The following MGMT variants were observed in gnomAD, a reference collection of about 807,000 sequenced individuals.
MGMT encodes the protein methylated-DNA--protein-cysteine methyltransferase.
Under a neutral mutation model 15.9 loss-of-function variants are expected in MGMT, and 14 were observed. The observed-to-expected ratio is 0.88, with a 90% CI of 0.58 to 1.37. The LOEUF (loss-of-function observed/expected upper bound fraction) is 1.37. Ranked by LOEUF, MGMT falls within the 40% of genes most tolerant of loss-of-function variation. The pLI, the probability that MGMT is intolerant of heterozygous loss-of-function variation, is 0.00. For missense variants in MGMT, 282 were observed against 268.1 expected (o/e 1.05, Z -0.36); for synonymous variants, 130 against 118.2 (o/e 1.10, Z -0.65).
chr10:129,557,528 TACAC>T (rs751406881), intron 2 of MGMT, among the ~76,000 whole-genome samples: 1 of 152,224 alleles, frequency 6.6e-6, no homozygotes, highest in Non-Finnish European at 1.5e-5. Flanking sequence ...GACCTTAAAA[TACAC>T]ACAAATGTAC....
intron 3 of MGMT, among the ~76,000 whole-genome samples, chr10:129,736,821 C>T (rs2133167422): frequency 6.6e-6 from 1 of 152,122 alleles, no homozygotes; most frequent in East Asian, 1.9e-4. Context: ...ACTTAAGAAG[C>T]TTAGTTTGGC....
At chr10:129,569,200 A>G (rs926435740) in intron 2 of MGMT, among the ~76,000 whole-genome samples, 8 of 151,978 alleles carry the variant, frequency 5.3e-5, no homozygotes, top group Admixed American at 3.3e-4. Flanking sequence ...CCTGCCTCGC[A>G]GGTTCAGATG....
intron 2 of MGMT, among the ~76,000 whole-genome samples, chr10:129,655,658 G>T (rs1847517234): frequency 6.6e-6 from 1 of 152,144 alleles, no homozygotes; most frequent in South Asian, 2.1e-4. Context: ...CCTTGAAAAG[G>T]AGAAAAATAT....
At chr10:129,682,794 G>C (rs1020391887) in intron 2 of MGMT, among the ~76,000 whole-genome samples, 1 of 152,130 alleles carries the variant, frequency 6.6e-6, no homozygotes, top group African/African-American at 2.4e-5. Flanking sequence ...TATTTTTCTT[G>C]TGAATCTTCA....
intron 2 of MGMT, among the ~76,000 whole-genome samples, chr10:129,704,346 G>A (rs574034532): frequency 7.0e-4 from 107 of 152,062 alleles, no homozygotes; most frequent in Admixed American, 1.7e-3. Flanking sequence ...GAGTGAGCCC[G>A]GCTTCCCCCA....
chr10:129,630,892 C>T (rs1847202751), intron 2 of MGMT, among the ~76,000 whole-genome samples: 2 of 152,216 alleles, frequency 1.3e-5, no homozygotes, highest in African/African-American at 2.4e-5. Context: ...AGAAAAATGG[C>T]TCACGTTAAA....
At chr10:129,748,526 G>A (rs771734156) in intron 3 of MGMT, among the ~76,000 whole-genome samples, 1 of 152,164 alleles carries the variant, frequency 6.6e-6, no homozygotes, top group Admixed American at 6.6e-5. Context: ...GCCAGTTCTT[G>A]AAGGAGTCTT....
At chr10:129,627,333 T>G (rs1378675621) in intron 2 of MGMT, among the ~76,000 whole-genome samples, 1 of 152,148 alleles carries the variant, frequency 6.6e-6, no homozygotes, top group Non-Finnish European at 1.5e-5. Flanking sequence ...CTAGGATTTC[T>G]GGAACCAGTC....
chr10:129,609,519 C>A (rs1345574003), intron 2 of MGMT, among the ~76,000 whole-genome samples: 1 of 152,168 alleles, frequency 6.6e-6, no homozygotes, highest in Non-Finnish European at 1.5e-5. Flanking sequence ...GGTGTTGCCA[C>A]CCAAGGTGAA....
chr10:129,742,412 C>T (rs1472929230), intron 3 of MGMT, among the ~76,000 whole-genome samples: 1 of 152,210 alleles, frequency 6.6e-6, no homozygotes, highest in Admixed American at 6.5e-5. Context: ...TTCAGCAGTG[C>T]CCCAGGACCG....
At chr10:129,508,544 T>C (rs1845648325) in intron 1 of MGMT, among the ~76,000 whole-genome samples, 1 of 148,400 alleles carries the variant, frequency 6.7e-6, no homozygotes, top group African/African-American at 2.6e-5. Context: ...TGTTTTTTGT[T>C]TGTTTTTTTA....
intron 3 of MGMT, among the ~76,000 whole-genome samples, chr10:129,758,408 T>C (rs7075748): frequency 0.33 from 49,419 of 151,828 alleles, 8,497 homozygotes; most frequent in East Asian, 0.55. Context: ...ATGTCCCCCT[T>C]GGAAAGACAA....
At chr10:129,735,534 G>A (rs1437035134) in intron 3 of MGMT, among the ~76,000 whole-genome samples, 1 of 151,606 alleles carries the variant, frequency 6.6e-6, no homozygotes, top group Non-Finnish European at 1.5e-5. Flanking sequence ...TTAATTTTTT[G>A]AAGGGTTTTT....
intron 1 of MGMT, among the ~76,000 whole-genome samples, chr10:129,471,295 C>G (rs927501954): frequency 3.3e-5 from 5 of 152,084 alleles, no homozygotes; most frequent in African/African-American, 1.2e-4. Context: ...AATTCTGGCA[C>G]GGGATGTTCA....
chr10:129,659,373 A>G lies in MGMT; in HGVS notation c.126-48522A>G, dbSNP rs1218198408. ...CTCCCTGTGTGGAAAAAAAAAAAAAAGATACTCAGATGTAGCTGTCTCTGC... is the reference window on the plus strand; with the variant it reads ...CTCCCTGTGTGGAAAAAAAAAAAAAGGATACTCAGATGTAGCTGTCTCTGC... On this transcript the variant is annotated intron_variant, in intron 2 of 4. Transcript: ENST00000651593. This position sits in a 1 kb window ranked among gnomAD's most constrained non-coding sequence, Gnocchi z 4.1. Among the ~76,000 whole-genome samples, 1 of 151,568 alleles carries G rather than the reference A, an allele frequency of 6.6e-6. No homozygotes were observed. Among genetic ancestry groups the G allele is most frequent in the Non-Finnish European group, 1.5e-5 (1 of 67,964 alleles).
At chr10:129,587,137 C>T (rs2133051161) in intron 2 of MGMT, among the ~76,000 whole-genome samples, 1 of 152,124 alleles carries the variant, frequency 6.6e-6, no homozygotes, top group Non-Finnish European at 1.5e-5. Context: ...GCATTTTCCC[C>T]CCTCCAGGGG....
At chr10:129,731,529 G>C (rs1407850473) in intron 3 of MGMT, among the ~76,000 whole-genome samples, 1 of 151,614 alleles carries the variant, frequency 6.6e-6, no homozygotes, top group African/African-American at 2.4e-5. Flanking sequence ...CAGTACAGCT[G>C]GGATTACAGG....
chr10:129,644,554 T>A lies in MGMT; in HGVS notation c.126-63341T>A, dbSNP rs1456488687. On this transcript the variant is annotated intron_variant, in intron 2 of 4. Coordinates refer to ENST00000651593, the MANE Select transcript of MGMT (RefSeq NM_002412.5). ...ATGAGCCCATCCAGAGTGCTTGGGT[T>A]CCCCCCCTGAGGCCTGGTGAGAGCC... is the stretch of plus-strand genomic sequence containing the variant. 2.0e-5 allele frequency among the ~76,000 whole-genome samples: 3 copies of A among 151,762 alleles called. No homozygotes were observed. In the East Asian group the frequency reaches 5.8e-4, roughly 29 times the overall value.
chr10:129,495,584 CT>C (rs1845512286), intron 1 of MGMT, among the ~76,000 whole-genome samples: 1 of 152,152 alleles, frequency 6.6e-6, no homozygotes, highest in Non-Finnish European at 1.5e-5. Context: ...AAAGAAAATT[CT>C]CATCTCTTTT....
Sources: gnomAD v4.1 joint callset for allele counts (sites outside exome capture counted in the v4.1 genomes callset) on GRCh38, gnomAD v4.1.1 for gene constraint, Gnocchi (gnomAD v3.1) non-coding constraint, MANE v1.5 for transcripts, NCBI Gene and HGNC (gene_info 2026-07-23, HGNC 2026-07-21) for gene names.